The following THRB variants were observed in gnomAD, a reference collection of about 807,000 sequenced individuals.
The protein encoded by THRB is nuclear receptor subfamily 1 group A member 2.
THRB carries 12 observed loss-of-function variants against 47.8 expected under a neutral mutation model. The ratio of observed to expected loss-of-function variants is 0.25; its 90% confidence interval spans 0.16 to 0.41. The LOEUF (loss-of-function observed/expected upper bound fraction) is 0.41, where lower values mean the gene tolerates loss of function less well. Among genes scored for constraint, THRB ranks in the 10% least tolerant of loss-of-function variants. The probability of loss-of-function intolerance (pLI) is 1.00; values close to 1 mark genes in which losing one functional copy is unlikely to be tolerated. For missense variants in THRB, 348 were observed against 589.2 expected, an observed-to-expected ratio of 0.59 and a Z score of 4.24; for synonymous variants, 218 against 212.2, an observed-to-expected ratio of 1.03 and a Z score of -0.24.
chr3:24,215,191 T>TA (rs57931196), intron 4 of THRB, among the ~76,000 whole-genome samples: 28 of 152,224 alleles, frequency 1.8e-4, no homozygotes, highest in African/African-American at 5.5e-4. Flanking sequence ...TCTGTGCCTT[T>TA]AAAAAAAATC....
chr3:24,332,968 C>T (rs1010780489), intron 2 of THRB, among the ~76,000 whole-genome samples: 1 of 152,026 alleles, frequency 6.6e-6, no homozygotes, highest in Non-Finnish European at 1.5e-5. Flanking sequence ...GCCTATAGTC[C>T]CAGTTACTCA....
At position 24,434,755 on chromosome 3, in the gene THRB, T is replaced by C. The variant is rs734443; in HGVS notation, c.-261+59897A>G. Among the ~76,000 whole-genome samples, 693 of 152,192 alleles carry C rather than the reference T, an allele frequency of 4.6e-3. 7 individuals are homozygous for C. The highest frequency in any genetic ancestry group is 0.016 in the African/African-American group (672 of 41,532). ...GCTGGAGAAAACAAGAAGGACATTT[T>C]GGGGAAAAAGAATGATGAGTGCAAA... On this transcript the variant is annotated intron_variant, in intron 1 of 10. Transcript: ENST00000646209.
chr3:24,492,888 C>G (rs1698382655), intron 1 of THRB, among the ~76,000 whole-genome samples: 1 of 152,206 alleles, frequency 6.6e-6, no homozygotes, highest in African/African-American at 2.4e-5. Flanking sequence ...AGTTCTGTAG[C>G]TATACTCAGT....
At chr3:24,271,396 GAGTGTGGCTAAACTTGTA>G (rs2053314086) in intron 3 of THRB, among the ~76,000 whole-genome samples, 1 of 152,200 alleles carries the variant, frequency 6.6e-6, no homozygotes, top group Non-Finnish European at 1.5e-5. Flanking sequence ...GTCCGTTCCT[GAGTGTGGCTAAACTTGTA>G]AAGCAAATGG....
rs142644755 is a variant in THRB at position 24,369,262 on chromosome 3, T to C, written c.-260-31891A>G. ...AACATCATATCTACTATATGAAACA[T>C]ATGGCACACACTTTTCATGCTACGT... On this transcript the variant is annotated intron_variant, in intron 1 of 10. Transcript: ENST00000646209. Among the ~76,000 whole-genome samples, 25 of 152,252 alleles carry C rather than the reference T, an allele frequency of 1.6e-4. 1 individual carries two copies. In the East Asian group the frequency reaches 3.1e-3, roughly 19 times the overall value.
chr3:24,152,786 C>A (rs1346652665), intron 5 of THRB, among the ~76,000 whole-genome samples: 1 of 151,838 alleles, frequency 6.6e-6, no homozygotes, highest in Non-Finnish European at 1.5e-5. Flanking sequence ...CATGGCAAAA[C>A]CCTCTCTCTA....
intron 9 of THRB, among the ~76,000 whole-genome samples, chr3:24,133,107 C>T (rs1192459543): frequency 6.6e-6 from 1 of 152,106 alleles, no homozygotes; most frequent in Non-Finnish European, 1.5e-5. Context: ...TCTTGATGGG[C>T]CTTACACGGA....
chr3:24,338,176 C>A (rs777609826), intron 1 of THRB, among the ~76,000 whole-genome samples: 25 of 152,106 alleles, frequency 1.6e-4, no homozygotes, highest in Non-Finnish European at 3.2e-4. Context: ...GTCACCTGTG[C>A]TCTAATTTTT....
chr3:24,206,191 A>T (rs1014474754), intron 4 of THRB, among the ~76,000 whole-genome samples: 20 of 152,228 alleles, frequency 1.3e-4, no homozygotes, highest in Non-Finnish European at 2.5e-4. Context: ...AAATCAACAG[A>T]ATATACATTC....
At chr3:24,372,557 T>G (rs966346104) in intron 1 of THRB, among the ~76,000 whole-genome samples, 1 of 152,060 alleles carries the variant, frequency 6.6e-6, no homozygotes, top group African/African-American at 2.4e-5. Flanking sequence ...TACAATCAAG[T>G]GTACTAGAGA....
At chr3:24,201,649 C>G (rs1002038249) in intron 4 of THRB, among the ~76,000 whole-genome samples, 1 of 152,082 alleles carries the variant, frequency 6.6e-6, no homozygotes, top group African/African-American at 2.4e-5. Flanking sequence ...CCATGATTTT[C>G]CTATTCAGAA....
At chr3:24,317,636 A>C (rs1013635668) in intron 2 of THRB, among the ~76,000 whole-genome samples, 1 of 152,188 alleles carries the variant, frequency 6.6e-6, no homozygotes. Context: ...CAACACAACA[A>C]AACAAAACAA....
intron 4 of THRB, among the ~76,000 whole-genome samples, chr3:24,222,145 A>G (rs781340860): frequency 3.3e-5 from 5 of 152,230 alleles, no homozygotes; most frequent in Non-Finnish European, 7.3e-5. Flanking sequence ...TATGGCAGAA[A>G]CTAGAGAAAC....
At position 24,326,756 on chromosome 3, in the gene THRB, CTTT is replaced by C. The variant is rs1174687260; in HGVS notation, c.-189+10541_-189+10543del. On this transcript the variant is annotated intron_variant, in intron 2 of 10. Coordinates refer to ENST00000646209, the MANE Select transcript of THRB (RefSeq NM_001354712.2). ...TTCACTAGAAGCTGTCCAGTCTTGT[CTTT>C]TTTTTTTTTTTTTTTTTTTTTTTGA... Among the ~76,000 whole-genome samples, 60 of 49,996 alleles carry C rather than the reference CTTT, an allele frequency of 1.2e-3. 1 individual carries two copies. Among genetic ancestry groups the C allele is most frequent in the African/African-American group, 4.9e-3 (47 of 9,642 alleles). The allele number at this position is 49,996 out of a possible 152,430, so 32.8% of individuals were successfully genotyped here. A position where few individuals can be genotyped will look rare whatever the true frequency, so the allele number is the denominator to read the frequency against.
chr3:24,342,036 T>C (rs2062690146), intron 1 of THRB, among the ~76,000 whole-genome samples: 1 of 152,124 alleles, frequency 6.6e-6, no homozygotes, highest in Non-Finnish European at 1.5e-5. Flanking sequence ...ACTCATGAGC[T>C]ACTGAATGCT....
At chr3:24,316,063 G>A (rs527278989) in intron 2 of THRB, among the ~76,000 whole-genome samples, 2 of 152,266 alleles carry the variant, frequency 1.3e-5, no homozygotes, top group Admixed American at 1.3e-4. Flanking sequence ...AATTGAAAAT[G>A]CTTTATTGCA....
At chr3:24,158,340 CATAA>C (rs1280384137) in intron 5 of THRB, among the ~76,000 whole-genome samples, 3 of 147,386 alleles carry the variant, frequency 2.0e-5, no homozygotes, top group Non-Finnish European at 4.5e-5. Flanking sequence ...TATGCCTTTT[CATAA>C]ATAAAGAAAT....
chr3:24,230,393 A>G (rs190271815), intron 3 of THRB, among the ~76,000 whole-genome samples: 3 of 152,340 alleles, frequency 2.0e-5, no homozygotes, highest in Admixed American at 2.0e-4. Flanking sequence ...ACTAAATAAA[A>G]TAAGATGAAT....
chr3:24,163,687 T>C (rs1237643441), intron 5 of THRB, among the ~76,000 whole-genome samples: 1 of 152,160 alleles, frequency 6.6e-6, no homozygotes, highest in South Asian at 2.1e-4. Context: ...GTGTATCCCT[T>C]GTAATAAATG....
Sources: allele counts gnomAD v4.1 joint callset (sites outside exome capture counted in the v4.1 genomes callset), GRCh38; gene constraint gnomAD v4.1.1; transcripts MANE v1.5; gene names NCBI Gene and HGNC (gene_info 2026-07-23, HGNC 2026-07-21).